The following DYRK4 variants were observed in gnomAD, a reference collection of about 807,000 sequenced individuals.
The protein encoded by DYRK4 is dual specificity tyrosine-phosphorylation-regulated kinase 4.
A neutral mutation model predicts 68.3 loss-of-function variants in DYRK4; 64 were observed. That is an observed-to-expected ratio of 0.94 (90% CI 0.77 to 1.15). The LOEUF is 1.15. Ranked by LOEUF, DYRK4 falls within the 50% of genes most tolerant of loss-of-function variation. The pLI is 0.00. For synonymous variants in DYRK4, 274 were observed against 289.9 expected, an observed-to-expected ratio of 0.95 and a Z score of 0.56; for missense variants, 740 against 764.7, an observed-to-expected ratio of 0.97 and a Z score of 0.38.
intron 14 of DYRK4, 128 bp downstream of exon 14, chr12:4,612,846 T>C: frequency 9.7e-7 from 1 of 1,031,002 alleles, no homozygotes; most frequent in African/African-American, 1.6e-5. Context: ...TCTTTGTTTT[T>C]AATATTCTGT....
At chr12:4,566,036 C>T (rs899460707) in intron 1 of DYRK4, among the ~76,000 whole-genome samples, 21 of 152,162 alleles carry the variant, frequency 1.4e-4, no homozygotes, top group African/African-American at 4.8e-4. Context: ...CCCAATGTTG[C>T]GATTTTACAA....
At chr12:4,564,655 C>T (rs949691252) in intron 1 of DYRK4, among the ~76,000 whole-genome samples, 2 of 152,176 alleles carry the variant, frequency 1.3e-5, no homozygotes, top group Admixed American at 6.5e-5. Context: ...GAAAACAAGG[C>T]TTCTGTTTTA....
At chr12:4,584,906 G>C (rs1591793667) in intron 2 of DYRK4, among the ~76,000 whole-genome samples, 1 of 152,222 alleles carries the variant, frequency 6.6e-6, no homozygotes, top group Non-Finnish European at 1.5e-5. Flanking sequence ...GGGTGAGCTA[G>C]CTGAAACATG....
At chr12:4,580,387 A>G (rs1208289606) in intron 2 of DYRK4, among the ~76,000 whole-genome samples, 2 of 152,164 alleles carry the variant, frequency 1.3e-5, no homozygotes, top group Non-Finnish European at 2.9e-5. Flanking sequence ...GCTCCTCCCC[A>G]TCTAGGCATC....
intron 10 of DYRK4, chr12:4,602,755 ATCTC>A (rs1386326572): frequency 2.0e-6 from 3 of 1,522,448 alleles, no homozygotes; most frequent in Non-Finnish European, 2.7e-6. Context: ...CAAATTTTCC[ATCTC>A]TCTCTACCAG....
At chr12:4,570,059 A>G (rs1398527294) in intron 2 of DYRK4, among the ~76,000 whole-genome samples, 4 of 133,462 alleles carry the variant, frequency 3.0e-5, no homozygotes, top group Non-Finnish European at 6.7e-5. Context: ...TAATAATAAT[A>G]ATAATAATAA....
chr12:4,568,030 A>G lies in DYRK4; in HGVS notation c.114A>G (p.Gln38=), dbSNP rs1326511184. 1 of 1,536,018 alleles carries G rather than the reference A, an allele frequency of 6.5e-7. No individual in the cohort carries two copies. Among genetic ancestry groups the G allele is most frequent in the African/African-American group, 1.4e-5 (1 of 73,050 alleles). The change falls in exon 2 of 15, where the codon CAA becomes CAG. Residue 38 remains glutamine (Q), a synonymous_variant. Coordinates refer to ENST00000543431, the MANE Select transcript of DYRK4 (RefSeq NM_001394779.1). ...PFLVLKARKK[Q]KFTSAKVGSK... ...TGGTTTTGAAAGCAAGAAAGAAACA[A>G]AAGTTCACCTCTGCGAAGGTAAAGA...
intron 10 of DYRK4, among the ~76,000 whole-genome samples, chr12:4,603,581 G>A (rs1171786854): frequency 6.6e-6 from 1 of 152,156 alleles, no homozygotes; most frequent in African/African-American, 2.4e-5. Flanking sequence ...TCGAGGCAAG[G>A]GAGACCCTGG....
chr12:4,564,534 T>G (rs1167800503), intron 1 of DYRK4: 2 of 152,156 alleles, frequency 1.3e-5, no homozygotes, highest in Non-Finnish European at 2.9e-5. Flanking sequence ...TTCTGGATAT[T>G]GAAGTACTCT....
intron 1 of DYRK4, among the ~76,000 whole-genome samples, chr12:4,567,583 C>T (rs564811936): frequency 7.2e-4 from 109 of 152,298 alleles, no homozygotes; most frequent in African/African-American, 2.3e-3. Flanking sequence ...TTCCCCTTTT[C>T]TTTTTCTATA....
chr12:4,593,267 C>T (rs2137368688), intron 6 of DYRK4, 102 bp downstream of exon 6: 9 of 1,315,876 alleles, frequency 6.8e-6, no homozygotes, highest in East Asian at 2.4e-5. Flanking sequence ...GGGGCTGATA[C>T]GTTGGAGACT....
chr12:4,590,681 G>T (rs930145386), intron 4 of DYRK4: 1 of 747,064 alleles, frequency 1.3e-6, no homozygotes, highest in Non-Finnish European at 1.9e-6. Context: ...GAGGAAAAAT[G>T]AAGTGCTGGT....
chr12:4,572,436 C>A (rs1391109914), intron 2 of DYRK4, among the ~76,000 whole-genome samples: 1 of 152,078 alleles, frequency 6.6e-6, no homozygotes, highest in African/African-American at 2.4e-5. Flanking sequence ...CGCCCGCCAC[C>A]ACACCTGGCT....
chr12:4,593,219 T>A, intron 6 of DYRK4, 54 bp downstream of exon 6: 4 of 1,577,164 alleles, frequency 2.5e-6, no homozygotes, highest in Admixed American at 1.9e-5. Flanking sequence ...CAAGAGGTAG[T>A]CTAGAAAGGA....
At chr12:4,605,260 C>T (rs1945130863) in intron 11 of DYRK4, among the ~76,000 whole-genome samples, 174 bp downstream of exon 11, 2 of 152,172 alleles carry the variant, frequency 1.3e-5, no homozygotes, top group South Asian at 2.1e-4. Context: ...CTTGTCAAGT[C>T]GACATCTAAC....
At chr12:4,578,999 G>A (rs763601849) in intron 2 of DYRK4, among the ~76,000 whole-genome samples, 4 of 152,154 alleles carry the variant, frequency 2.6e-5, no homozygotes, top group South Asian at 2.1e-4. Context: ...CAAATGGGCC[G>A]GGTGCAGTGG....
chr12:4,575,857 CTGTT>C (rs1298399413), intron 2 of DYRK4, among the ~76,000 whole-genome samples: 1 of 152,076 alleles, frequency 6.6e-6, no homozygotes. Flanking sequence ...GTTGGCTTGT[CTGTT>C]TTTTATTTAT....
chr12:4,608,571 G>A (rs1398786363), intron 12 of DYRK4, among the ~76,000 whole-genome samples: 1 of 152,194 alleles, frequency 6.6e-6, no homozygotes, highest in Non-Finnish European at 1.5e-5. Context: ...AAAAGCCACA[G>A]CCCTGAGCCC....
At chr12:4,589,483 C>T (rs55929927) in intron 3 of DYRK4, among the ~76,000 whole-genome samples, 6,253 of 152,202 alleles carry the variant, frequency 0.041, 166 homozygotes, top group African/African-American at 0.074. Context: ...TGACCACTAC[C>T]CTTCCCAGCC....
Sources: allele counts gnomAD v4.1 joint callset (sites outside exome capture counted in the v4.1 genomes callset), GRCh38; gene constraint gnomAD v4.1.1; transcripts MANE v1.5; gene names NCBI Gene and HGNC (gene_info 2026-07-23, HGNC 2026-07-21).